Variants in PIK3C2A observed in about 807,000 individuals in gnomAD.
PIK3C2A encodes the protein phosphatidylinositol 4-phosphate 3-kinase C2 domain-containing subunit alpha.
PIK3C2A carries 97 observed loss-of-function variants against 204.5 expected under a neutral mutation model. That is an observed-to-expected ratio of 0.47 (90% CI 0.40 to 0.56). The LOEUF (loss-of-function observed/expected upper bound fraction) is 0.56. Ranked by LOEUF, PIK3C2A falls within the 20% of genes least tolerant of loss-of-function variation. The pLI is 0.00. For missense variants in PIK3C2A, 1,735 were observed against 1,969.2 expected (o/e 0.88, Z 2.25); for synonymous variants, 653 against 664.4 (o/e 0.98, Z 0.26).
rs1429173746 is a variant in PIK3C2A, at chr11:17,122,182, A to T, written c.2657+6T>A. On this transcript the variant is annotated splice_donor_region_variant and intron_variant, in intron 15 of 32. Coordinates refer to ENST00000691414, the MANE Select transcript of PIK3C2A (RefSeq NM_002645.4). Reference sequence around the variant, plus strand: ...CTTAGCCCAAAACAGAATAAACAGAACATACCCAAGTGATGAGTCTTTATG... The same window carrying T: ...CTTAGCCCAAAACAGAATAAACAGATCATACCCAAGTGATGAGTCTTTATG... 1 of 1,573,404 alleles carries T rather than the reference A, an allele frequency of 6.4e-7. No homozygotes were observed. The highest frequency in any genetic ancestry group is 1.7e-5 in the Admixed American group (1 of 59,590).
rs1449497227 is a variant in PIK3C2A at position 17,088,887 on chromosome 11, AG to A, written c.*850del. 6.6e-6 allele frequency: 1 copy of A among 152,258 alleles called. No homozygotes were observed. The highest frequency in any genetic ancestry group is 2.4e-5 in the African/African-American group (1 of 41,470). 9.4% of individuals were successfully genotyped at this position (152,258 alleles called of 1,614,324 possible). A position where few individuals can be genotyped will look rare whatever the true frequency, so the allele number is the denominator to read the frequency against. On this transcript the variant is annotated 3_prime_UTR_variant, in exon 33 of 33. Transcript: ENST00000691414. ...AAATGTAGGATTTTAATGGAATGAT[AG>A]AATTTATTGTACAATCACATTGGTG... is the stretch of plus-strand genomic sequence containing the variant.
chr11:17,112,567 T>A lies in PIK3C2A; in HGVS notation c.3414+7A>T. 6 of 1,351,304 alleles carry A rather than the reference T, an allele frequency of 4.4e-6. No homozygotes were observed. Among genetic ancestry groups the A allele is most frequent in the Non-Finnish European group, 6.2e-6 (6 of 974,922 alleles). 83.7% of individuals were successfully genotyped at this position (1,351,304 alleles called of 1,614,324 possible). On this transcript the variant is annotated splice_region_variant and intron_variant, in intron 21 of 32. Coordinates refer to ENST00000691414, the MANE Select transcript of PIK3C2A (RefSeq NM_002645.4). Reference sequence around the variant, plus strand: ...GCCATTAAAAAACAGTAACATTATTTACTCACCTTAAACATGACATTAATT... The same window carrying A: ...GCCATTAAAAAACAGTAACATTATTAACTCACCTTAAACATGACATTAATT...
chr11:17,144,282 A>G (rs1590958405), intron 8 of PIK3C2A, among the ~76,000 whole-genome samples: 1 of 152,214 alleles, frequency 6.6e-6, no homozygotes, highest in East Asian at 1.9e-4. Flanking sequence ...TGAACCCTCA[A>G]CTTAGGTAAG....
intron 27 of PIK3C2A, among the ~76,000 whole-genome samples, chr11:17,095,108 C>G (rs1848414362): frequency 6.6e-6 from 1 of 151,990 alleles, no homozygotes; most frequent in African/African-American, 2.4e-5. Flanking sequence ...GATTAGCCAA[C>G]TGTGGTGGCA....
rs991096144 is a variant in PIK3C2A, at chr11:17,112,080, C to T, written c.3414+494G>A. Among the ~76,000 whole-genome samples the T allele has an allele frequency of 5.9e-5, 9 of 151,968 alleles. 1 individual carries two copies. Among genetic ancestry groups the T allele is most frequent in the Admixed American group, 5.2e-4 (8 of 15,240 alleles). On this transcript the variant is annotated intron_variant, in intron 21 of 32. Coordinates refer to ENST00000691414, the MANE Select transcript of PIK3C2A (RefSeq NM_002645.4). Reference sequence around the variant, plus strand: ...TTCAAGTAGAAGCAATCTTTATGAACCTCCACGTGTCCAACTCATTGAATT... The same window carrying T: ...TTCAAGTAGAAGCAATCTTTATGAATCTCCACGTGTCCAACTCATTGAATT...
chr11:17,119,983 A>G lies in PIK3C2A; in HGVS notation c.2658-9T>C, dbSNP rs759198555. The stretch of plus-strand genomic sequence containing the variant: ...TATCTTCTTTAGAAAGTCTGCATAT[A>G]TAATAGAATTAAATTACTTCTCAGT... On this transcript the variant is annotated splice_polypyrimidine_tract_variant and intron_variant, in intron 15 of 32. Coordinates refer to ENST00000691414, the MANE Select transcript of PIK3C2A (RefSeq NM_002645.4). 2 of 1,295,540 alleles carry G rather than the reference A, an allele frequency of 1.5e-6. No individual in the cohort carries two copies. Among genetic ancestry groups the G allele is most frequent in the Non-Finnish European group, 1.1e-6 (1 of 925,274 alleles). The allele number at this position is 1,295,540 out of a possible 1,614,324, so 80.3% of individuals were successfully genotyped here.
chr11:17,092,721 T>A (rs1237883599), intron 28 of PIK3C2A, among the ~76,000 whole-genome samples: 1 of 152,178 alleles, frequency 6.6e-6, no homozygotes, highest in Non-Finnish European at 1.5e-5. Context: ...GGAGATGACA[T>A]CGTTCAGTCA....
intron 1 of PIK3C2A, among the ~76,000 whole-genome samples, chr11:17,192,147 A>G (rs1224333953): frequency 1.3e-5 from 2 of 152,132 alleles, no homozygotes; most frequent in Non-Finnish European, 2.9e-5. Flanking sequence ...CCCTGTCTCA[A>G]TAAATAAATA....
chr11:17,161,029 G>A (rs367872563), intron 2 of PIK3C2A, among the ~76,000 whole-genome samples: 2 of 152,148 alleles, frequency 1.3e-5, no homozygotes, highest in South Asian at 4.1e-4. Flanking sequence ...AAAAATGGTA[G>A]AGAGTTGGCA....
intron 13 of PIK3C2A, among the ~76,000 whole-genome samples, chr11:17,126,186 T>C (rs1042845692): frequency 6.6e-6 from 1 of 152,110 alleles, no homozygotes; most frequent in African/African-American, 2.4e-5. Context: ...CCCTCAGAAA[T>C]AACTGTAAAG....
At chr11:17,190,542 T>C (rs1851904726) in intron 1 of PIK3C2A, among the ~76,000 whole-genome samples, 1 of 144,250 alleles carries the variant, frequency 6.9e-6, no homozygotes, top group Non-Finnish European at 1.5e-5. Flanking sequence ...CTGCACTCCA[T>C]CCAGCCTGGG....
chr11:17,093,486 C>G (rs992296133), intron 28 of PIK3C2A, among the ~76,000 whole-genome samples: 1 of 152,062 alleles, frequency 6.6e-6, no homozygotes. Flanking sequence ...GGATGGTCTC[C>G]ATCTCCTGAC....
At chr11:17,161,429 CT>C (rs1205364258) in intron 2 of PIK3C2A, among the ~76,000 whole-genome samples, 3 of 152,076 alleles carry the variant, frequency 2.0e-5, no homozygotes, top group African/African-American at 7.2e-5. Flanking sequence ...ATACAATTAA[CT>C]TTTAGAAAGA....
intron 24 of PIK3C2A, 141 bp downstream of exon 24, chr11:17,102,521 G>A (rs1848672876): frequency 1.6e-6 from 1 of 611,370 alleles, no homozygotes; most frequent in Non-Finnish European, 2.9e-6. Flanking sequence ...TCTACTATGT[G>A]GTATGGTCAT....
chr11:17,117,816 C>A, intron 18 of PIK3C2A, 145 bp from the exon 19 acceptor site: 1 of 514,446 alleles, frequency 1.9e-6, no homozygotes, highest in Non-Finnish European at 3.4e-6. Flanking sequence ...CGGGTTCACG[C>A]CATTCTCCTG....
At chr11:17,098,576 T>C (rs1233140195) in intron 26 of PIK3C2A, among the ~76,000 whole-genome samples, 1 of 152,220 alleles carries the variant, frequency 6.6e-6, no homozygotes, top group Non-Finnish European at 1.5e-5. Context: ...GCCTGCTTTG[T>C]GGTTTTGCCC....
chr11:17,101,666 C>T (rs1305809232), intron 24 of PIK3C2A, among the ~76,000 whole-genome samples: 3 of 149,504 alleles, frequency 2.0e-5, no homozygotes, highest in South Asian at 2.1e-4. Context: ...TGCAGTGGCG[C>T]GATCTAGGCT....
chr11:17,141,827 G>A (rs973072521), intron 8 of PIK3C2A, among the ~76,000 whole-genome samples: 2 of 152,216 alleles, frequency 1.3e-5, no homozygotes, highest in East Asian at 3.8e-4. Flanking sequence ...TGGTAATGAT[G>A]AAAGTGCTCA....
chr11:17,188,535 T>A (rs1851834468), intron 1 of PIK3C2A, among the ~76,000 whole-genome samples: 1 of 146,948 alleles, frequency 6.8e-6, no homozygotes, highest in Non-Finnish European at 1.5e-5. Context: ...AAATTTTTAA[T>A]GCCAAATGTA....
Sources: gnomAD v4.1 joint callset for allele counts (sites outside exome capture counted in the v4.1 genomes callset) on GRCh38, gnomAD v4.1.1 for gene constraint, MANE v1.5 for transcripts, NCBI Gene and HGNC (gene_info 2026-07-23, HGNC 2026-07-21) for gene names.